The following FBXW7 variants were observed in gnomAD, a reference collection of about 807,000 sequenced individuals.
FBXW7 encodes the protein F-box and WD repeat domain containing 7.
A neutral mutation model predicts 86.3 loss-of-function variants in FBXW7; 11 were observed. The ratio of observed to expected loss-of-function variants is 0.13; its 90% CI spans 0.08 to 0.21. The LOEUF is 0.21. Among genes scored for constraint, FBXW7 ranks in the 10% least tolerant of loss-of-function variants. The pLI is 1.00. For synonymous variants in FBXW7, 313 were observed against 297.9 expected (o/e 1.05, Z -0.52); for missense variants, 488 against 847.4 (o/e 0.58, Z 5.27).
chr4:152,450,229 C>T lies in FBXW7; in HGVS notation c.-119-37700G>A, dbSNP rs17028911. On this transcript the variant is annotated intron_variant, in intron 2 of 13. Coordinates refer to ENST00000281708, the MANE Select transcript of FBXW7 (RefSeq NM_001349798.2). ...TTAAAAATCCTTTGGTAGATAAAGG[C>T]TATGGTAACAAACAAGAAAAATAAT... Among the ~76,000 whole-genome samples, 893 of 152,270 alleles carry T rather than the reference C, an allele frequency of 5.9e-3. 7 individuals are homozygous for T. The highest frequency in any genetic ancestry group is 0.02 in the African/African-American group (841 of 41,542).
intron 2 of FBXW7, among the ~76,000 whole-genome samples, chr4:152,521,322 A>G (rs1332227288): frequency 6.6e-6 from 1 of 152,220 alleles, no homozygotes; most frequent in Non-Finnish European, 1.5e-5. Flanking sequence ...GTAGGGTCTG[A>G]AGAGACAAAT....
chr4:152,442,890 T>G (rs1023306261), intron 2 of FBXW7, among the ~76,000 whole-genome samples: 2 of 152,216 alleles, frequency 1.3e-5, no homozygotes, highest in Non-Finnish European at 2.9e-5. Context: ...TTATAATAGT[T>G]TCAGTGCCTC....
intron 4 of FBXW7, among the ~76,000 whole-genome samples, chr4:152,387,760 G>C (rs1446005946): frequency 1.4e-5 from 2 of 139,152 alleles, no homozygotes; most frequent in Non-Finnish European, 3.0e-5. Flanking sequence ...CTAGGCTGGA[G>C]TGCAGTGGTG....
At chr4:152,395,272 C>CA (rs930656323) in intron 4 of FBXW7, among the ~76,000 whole-genome samples, 4 of 151,998 alleles carry the variant, frequency 2.6e-5, no homozygotes, top group Non-Finnish European at 5.9e-5. Context: ...AAAAAGCACT[C>CA]CAGATGCTTC....
intron 2 of FBXW7, among the ~76,000 whole-genome samples, chr4:152,519,439 T>C (rs1221025267): frequency 2.0e-5 from 3 of 151,984 alleles, no homozygotes; most frequent in Admixed American, 1.3e-4. Flanking sequence ...TCCTAAATAA[T>C]GTATTTGAGG....
chr4:152,445,622 T>C (rs1031140045), intron 2 of FBXW7, among the ~76,000 whole-genome samples: 1 of 152,128 alleles, frequency 6.6e-6, no homozygotes, highest in Non-Finnish European at 1.5e-5. Context: ...AAGTGCTTAG[T>C]ACAGGCCAGG....
intron 2 of FBXW7, among the ~76,000 whole-genome samples, chr4:152,444,182 T>C (rs929477028): frequency 6.6e-6 from 1 of 152,196 alleles, no homozygotes; most frequent in Non-Finnish European, 1.5e-5. Context: ...CCTAAGACCA[T>C]ATGCACTATA....
chr4:152,374,815 T>C (rs1436622544), intron 4 of FBXW7, among the ~76,000 whole-genome samples: 3 of 151,268 alleles, frequency 2.0e-5, no homozygotes, highest in African/African-American at 7.3e-5. Context: ...AGCTGGACCA[T>C]GAGGTCATGG....
At chr4:152,328,751 C>A (rs1396472600) in intron 10 of FBXW7, 1 of 159,268 alleles carries the variant, frequency 6.3e-6, no homozygotes, top group African/African-American at 2.4e-5. Context: ...GGAATAGATT[C>A]AATGAAAGTA....
chr4:152,453,825 T>G (rs1560916895), intron 2 of FBXW7, among the ~76,000 whole-genome samples: 1 of 152,228 alleles, frequency 6.6e-6, no homozygotes. Flanking sequence ...TTTTGAATTT[T>G]TAAATGAAAT....
chr4:152,375,842 T>G (rs1211170412), intron 4 of FBXW7, among the ~76,000 whole-genome samples: 3 of 152,192 alleles, frequency 2.0e-5, no homozygotes, highest in Non-Finnish European at 1.5e-5. Context: ...AAGTTCACAC[T>G]CCTTGACCCA....
intron 2 of FBXW7, among the ~76,000 whole-genome samples, chr4:152,458,424 C>T (rs1253513558): frequency 6.6e-6 from 1 of 152,200 alleles, no homozygotes; most frequent in Non-Finnish European, 1.5e-5. Context: ...AAATTTTTCA[C>T]TTGCCCTTTA....
chr4:152,520,267 A>T (rs1748887948), intron 2 of FBXW7, among the ~76,000 whole-genome samples: 1 of 151,260 alleles, frequency 6.6e-6, no homozygotes, highest in Non-Finnish European at 1.5e-5. Context: ...CCCCGTCTCT[A>T]CTAAAAATAC....
chr4:152,434,942 C>G lies in FBXW7; in HGVS notation c.-119-22413G>C, dbSNP rs924879900. ...GGTTCCTAATTCTCTGTTCCCCCAA[C>G]CTCCTTTCCCCCCGCTCCCCCCCCC... On this transcript the variant is annotated intron_variant, in intron 2 of 13. Coordinates refer to ENST00000281708, the MANE Select transcript of FBXW7 (RefSeq NM_001349798.2). 8.2e-4 allele frequency among the ~76,000 whole-genome samples: 103 copies of G among 126,040 alleles called. 1 individual carries two copies. Among genetic ancestry groups the G allele is most frequent in the Non-Finnish European group, 2.2e-4 (14 of 63,472 alleles). The allele number at this position is 126,040 out of a possible 152,430, so 82.7% of individuals were successfully genotyped here. A position where few individuals can be genotyped will look rare whatever the true frequency, so the allele number is the denominator to read the frequency against.
intron 2 of FBXW7, among the ~76,000 whole-genome samples, chr4:152,453,348 T>C (rs1335837232): frequency 6.6e-6 from 1 of 152,188 alleles, no homozygotes; most frequent in East Asian, 1.9e-4. Context: ...TCAAAGGGGT[T>C]CTCCTTGGTT....
At chr4:152,343,063 G>A (rs1004901336) in intron 6 of FBXW7, among the ~76,000 whole-genome samples, 2 of 152,082 alleles carry the variant, frequency 1.3e-5, no homozygotes, top group Admixed American at 1.3e-4. Flanking sequence ...CAATTTCTAA[G>A]TGTTCCCATG....
intron 2 of FBXW7, among the ~76,000 whole-genome samples, chr4:152,462,213 G>A (rs1343162554): frequency 2.0e-5 from 3 of 152,266 alleles, no homozygotes; most frequent in Middle Eastern, 3.4e-3. Flanking sequence ...ATGTTATCTT[G>A]CTTTCAGTGT....
chr4:152,405,628 T>C (rs1480285767), intron 4 of FBXW7, among the ~76,000 whole-genome samples: 1 of 152,210 alleles, frequency 6.6e-6, no homozygotes, highest in African/African-American at 2.4e-5. Flanking sequence ...CGTGGCGTTA[T>C]AGCCTGATGC....
chr4:152,334,072 A>C (rs1040543117), intron 7 of FBXW7, among the ~76,000 whole-genome samples: 5 of 152,112 alleles, frequency 3.3e-5, no homozygotes. Flanking sequence ...CAACAACAAC[A>C]ACAACAACAA....
Sources: gnomAD v4.1 joint callset for allele counts (sites outside exome capture counted in the v4.1 genomes callset) on GRCh38, gnomAD v4.1.1 for gene constraint, MANE v1.5 for transcripts, NCBI Gene and HGNC (gene_info 2026-07-23, HGNC 2026-07-21) for gene names.